Variants in TPST1 observed in about 807,000 individuals in gnomAD.
TPST1 encodes the protein protein-tyrosine sulfotransferase 1.
TPST1 carries 20 observed loss-of-function variants against 34.8 expected under a neutral mutation model. The observed-to-expected ratio is 0.57, with a 90% CI of 0.40 to 0.84. The LOEUF (loss-of-function observed/expected upper bound fraction) is 0.84, where lower values mean the gene tolerates loss of function less well. TPST1 is among the 40% of genes least tolerant of loss of function. The pLI is 0.00. For synonymous variants in TPST1, 152 were observed against 159.4 expected (o/e 0.95, Z 0.35); for missense variants, 353 against 455.5 (o/e 0.78, Z 2.05).
intron 2 of TPST1, among the ~76,000 whole-genome samples, chr7:66,259,918 C>T (rs1165739322): frequency 6.6e-6 from 1 of 152,120 alleles, no homozygotes; most frequent in Non-Finnish European, 1.5e-5. Context: ...CCTATTTATC[C>T]TTTCCTTTTT....
intron 3 of TPST1, among the ~76,000 whole-genome samples, chr7:66,341,360 C>T (rs1792233321): frequency 6.6e-6 from 1 of 152,128 alleles, no homozygotes; most frequent in Non-Finnish European, 1.5e-5. Flanking sequence ...CTCACTGCAA[C>T]CTCCGCCTCC....
chr7:66,318,219 A>G (rs536391852), intron 3 of TPST1, among the ~76,000 whole-genome samples: 3 of 152,300 alleles, frequency 2.0e-5, no homozygotes, highest in South Asian at 4.1e-4. Flanking sequence ...AAGTTATTTA[A>G]TATTTTTAAA....
intron 1 of TPST1, among the ~76,000 whole-genome samples, chr7:66,239,671 A>T (rs1789985207): frequency 6.6e-6 from 1 of 152,256 alleles, no homozygotes; most frequent in Non-Finnish European, 1.5e-5. Context: ...GTTGGACTCC[A>T]GACATTCTTG....
At chr7:66,251,405 C>T (rs952814503) in intron 2 of TPST1, among the ~76,000 whole-genome samples, 13 of 152,184 alleles carry the variant, frequency 8.5e-5, no homozygotes, top group Admixed American at 5.2e-4. Context: ...TATTGTCGAA[C>T]GCTTATGCAC....
chr7:66,278,929 C>G (rs1035257406), intron 2 of TPST1, among the ~76,000 whole-genome samples: 15 of 152,090 alleles, frequency 9.9e-5, no homozygotes, highest in African/African-American at 3.6e-4. Context: ...TAGAACACAT[C>G]GCTTTTTTCT....
At chr7:66,267,777 C>T (rs547381896) in intron 2 of TPST1, among the ~76,000 whole-genome samples, 12 of 152,134 alleles carry the variant, frequency 7.9e-5, no homozygotes, top group African/African-American at 1.4e-4. Context: ...TCATCCTGGG[C>T]GCATAAGATG....
intron 2 of TPST1, among the ~76,000 whole-genome samples, chr7:66,282,762 A>G (rs776121608): frequency 1.7e-4 from 26 of 152,194 alleles, no homozygotes; most frequent in Non-Finnish European, 3.7e-4. Flanking sequence ...TGGCTCCCCA[A>G]CCAGACCGTG....
intron 1 of TPST1, among the ~76,000 whole-genome samples, chr7:66,207,780 CA>C (rs895188094): frequency 8.5e-5 from 13 of 152,170 alleles, no homozygotes; most frequent in African/African-American, 2.2e-4. Context: ...TTGATTACTT[CA>C]AATGTGGTTA....
At chr7:66,281,618 C>A (rs946155532) in intron 2 of TPST1, among the ~76,000 whole-genome samples, 6 of 152,134 alleles carry the variant, frequency 3.9e-5, no homozygotes, top group Non-Finnish European at 5.9e-5. Context: ...TAGTGAAAGT[C>A]TTTGAAAACA....
intron 1 of TPST1, among the ~76,000 whole-genome samples, chr7:66,230,116 A>T (rs1789746092): frequency 6.6e-6 from 1 of 152,168 alleles, no homozygotes; most frequent in Non-Finnish European, 1.5e-5. Flanking sequence ...TGAACCTGGG[A>T]GGCGAAAGTT....
At chr7:66,300,639 A>C (rs1791295692) in intron 3 of TPST1, among the ~76,000 whole-genome samples, 1 of 152,208 alleles carries the variant, frequency 6.6e-6, no homozygotes, top group South Asian at 2.1e-4. Flanking sequence ...TAAGAAATGT[A>C]TTTCTTAAAT....
the TPST1 span, among the ~76,000 whole-genome samples, chr7:66,199,717 C>CTTT: frequency 7.7e-5 from 11 of 143,428 alleles, no homozygotes; most frequent in East Asian, 4.2e-4. Context: ...ATTTGTGTCC[C>CTTT]TTTTTTTTTT....
chr7:66,298,966 T>C (rs1455535783), intron 3 of TPST1, among the ~76,000 whole-genome samples: 1 of 151,704 alleles, frequency 6.6e-6, no homozygotes, highest in East Asian at 1.9e-4. Flanking sequence ...CTACTAAAAA[T>C]ACAAAAAGAA....
chr7:66,324,800 C>CAAAAAAAAAAAAAAAAA (rs56389964), intron 3 of TPST1, among the ~76,000 whole-genome samples: 1 of 109,248 alleles, frequency 9.2e-6, no homozygotes. Context: ...GACTCTGTCT[C>CAAAAAAAAAAAAAAAAA]AAAAAAAAAA....
intron 1 of TPST1, among the ~76,000 whole-genome samples, chr7:66,214,081 A>G (rs750222055): frequency 3.9e-5 from 6 of 152,142 alleles, no homozygotes; most frequent in South Asian, 2.1e-4. Flanking sequence ...TACTTTTAGT[A>G]TATTCATATA....
chr7:66,240,968 G>T lies in TPST1; in HGVS notation c.543G>T (p.Leu181=). 6.2e-7 allele frequency: 1 copy of T among 1,614,192 alleles called. No homozygotes were observed. The highest frequency in any genetic ancestry group is 1.1e-5 in the South Asian group (1 of 91,086). The change falls in exon 2 of 6, where the codon CTG becomes CTT. Residue 181 remains leucine (L), a synonymous_variant. Transcript: ENST00000304842. ...TATTCCCCAATGCCAAATTTCTCCT[G>T]ATGGTCCGAGATGGCCGGGCATCAG... The part of the protein sequence containing the change: ...SRLFPNAKFL[L]MVRDGRASVH...
upstream of TPST1, among the ~76,000 whole-genome samples, chr7:66,201,376 T>G (rs1235352144): frequency 6.0e-4 from 79 of 131,506 alleles, no homozygotes; most frequent in Non-Finnish European, 9.1e-4. Flanking sequence ...AGATCCCATC[T>G]CTACCAAAAA....
chr7:66,205,153 C>T (rs1789096785), upstream of TPST1: 1 of 152,308 alleles, frequency 6.6e-6, no homozygotes, highest in Non-Finnish European at 1.5e-5. This position sits in a 1 kb window ranked among gnomAD's most constrained non-coding sequence, Gnocchi z 5.0. Flanking sequence ...CGTCAGACCC[C>T]CGCCCCTCGG....
chr7:66,285,303 A>C (rs1036588670), intron 2 of TPST1, among the ~76,000 whole-genome samples: 1 of 152,204 alleles, frequency 6.6e-6, no homozygotes, highest in African/African-American at 2.4e-5. Flanking sequence ...TGTCCTGGGC[A>C]AACGAGGATG....
Sources: gnomAD v4.1 joint callset for allele counts (sites outside exome capture counted in the v4.1 genomes callset) on GRCh38, gnomAD v4.1.1 for gene constraint, Gnocchi (gnomAD v3.1) non-coding constraint, MANE v1.5 for transcripts, NCBI Gene and HGNC (gene_info 2026-07-23, HGNC 2026-07-21) for gene names.